Variants in RFX3 observed in about 807,000 individuals in gnomAD.
RFX3 encodes regulatory factor X3, also known as transcription factor RFX3.
In RFX3, 14 loss-of-function variants were observed where a neutral mutation model predicts 98.6. That is an observed-to-expected ratio of 0.14 (90% confidence interval 0.09 to 0.22). The LOEUF is 0.22. RFX3 is among the 10% of genes least tolerant of loss of function. RFX3 has a pLI of 1.00. For missense variants in RFX3, 639 were observed against 926.9 expected (o/e 0.69, Z 4.03); for synonymous variants, 383 against 328.4 (o/e 1.17, Z -1.80).
intron 1 of RFX3, among the ~76,000 whole-genome samples, chr9:3,423,109 T>A (rs987989128): frequency 6.6e-6 from 1 of 152,158 alleles, no homozygotes; most frequent in Non-Finnish European, 1.5e-5. Context: ...TTTAACACTA[T>A]CCAAACATAT....
rs1824281030 is a variant in RFX3 at position 3,270,517 on chromosome 9, C to T, written c.1211G>A (p.Ser404Asn). 1.2e-6 allele frequency: 2 copies of T among 1,612,650 alleles called. No individual in the cohort carries two copies. The highest frequency in any genetic ancestry group is 1.3e-5 in the African/African-American group (1 of 74,984). Residue 404 changes from serine to asparagine, a missense_variant, in exon 11 of 17, where the codon AGT becomes AAT. By Grantham distance (46) the Ser-to-Asn change is conservative. Coordinates refer to ENST00000617270, the MANE Select transcript of RFX3 (RefSeq NM_001282116.2). ...GTTITESSNL[S>N]EIESRLPKAK... The stretch of plus-strand genomic sequence containing the variant: ...TTTCGGAAGTCGACTTTCTATTTCA[C>T]TCAGATTGCTGGTGTGAATAAATGT...
intron 1 of RFX3, among the ~76,000 whole-genome samples, chr9:3,438,941 A>G (rs902991429): frequency 6.6e-6 from 1 of 152,114 alleles, no homozygotes; most frequent in African/African-American, 2.4e-5. Flanking sequence ...AACAAGTCTG[A>G]AATTTAAAAT....
At position 3,266,029 on chromosome 9, in the gene RFX3, T is replaced by C. The variant is rs983046517; in HGVS notation, c.1455+179A>G. 2.0e-5 allele frequency among the ~76,000 whole-genome samples: 3 copies of C among 152,182 alleles called. No homozygotes were observed. The South Asian group carries it at 6.2e-4, about 32-fold the overall frequency. ...TTTGAAAGGAACATTGTCAAACATC[T>C]CTTGTGCAAGTTCTTTACTACATGG... On this transcript the variant is annotated intron_variant, in intron 12 of 16. Transcript: ENST00000617270.
chr9:3,423,811 A>ATATATATC lies in RFX3; in HGVS notation c.-8-28216_-8-28215insGATATATA, dbSNP rs1292059587. ...TATATATATATATATATATATATATATCTTAAGGTAATTTTTAAAAAGAAC... is the reference window on the plus strand; with the variant it reads ...TATATATATATATATATATATATATATATATATCTCTTAAGGTAATTTTTAAAAAGAAC... On this transcript the variant is annotated intron_variant, in intron 1 of 16. Transcript: ENST00000617270. Among the ~76,000 whole-genome samples the ATATATATC allele has an allele frequency of 1.2e-4, 16 of 132,370 alleles. No homozygotes were observed. The East Asian group carries it at 2.5e-3, about 21-fold the overall frequency. 86.8% of individuals were successfully genotyped at this position (132,370 alleles called of 152,430 possible). A position where few individuals can be genotyped will look rare whatever the true frequency, so the allele number is the denominator to read the frequency against.
At chr9:3,351,195 A>C (rs1157828769) in intron 2 of RFX3, among the ~76,000 whole-genome samples, 1 of 151,434 alleles carries the variant, frequency 6.6e-6, no homozygotes, top group East Asian at 1.9e-4. Context: ...GTGTGAAGCG[A>C]GGGGTTTTAT....
At chr9:3,413,766 A>G (rs1339669971) in intron 1 of RFX3, among the ~76,000 whole-genome samples, 1 of 152,122 alleles carries the variant, frequency 6.6e-6, no homozygotes, top group African/African-American at 2.4e-5. Context: ...AGTTCTCTTG[A>G]CAACTCTTAG....
chr9:3,337,879 T>C (rs1833372623), intron 3 of RFX3, among the ~76,000 whole-genome samples: 1 of 152,222 alleles, frequency 6.6e-6, no homozygotes, highest in Non-Finnish European at 1.5e-5. Flanking sequence ...AGTTTTTACA[T>C]GGGCCACCAA....
At chr9:3,323,664 C>G (rs1455391940) in intron 4 of RFX3, among the ~76,000 whole-genome samples, 1 of 151,820 alleles carries the variant, frequency 6.6e-6, no homozygotes, top group Non-Finnish European at 1.5e-5. Context: ...GGCATGTTAC[C>G]CATACACCTG....
At chr9:3,233,889 T>C (rs562926572) in intron 15 of RFX3, among the ~76,000 whole-genome samples, 46 of 152,290 alleles carry the variant, frequency 3.0e-4, no homozygotes, top group African/African-American at 1.1e-3. Flanking sequence ...TATGTATAAA[T>C]ATCATCATTA....
intron 5 of RFX3, among the ~76,000 whole-genome samples, chr9:3,294,262 C>A (rs1027629085): frequency 6.6e-6 from 1 of 152,112 alleles, no homozygotes; most frequent in African/African-American, 2.4e-5. Flanking sequence ...TTACTCCAGA[C>A]CAATGTTTCA....
chr9:3,240,936 GTGCT>G (rs1279139991), intron 15 of RFX3, among the ~76,000 whole-genome samples: 1 of 152,218 alleles, frequency 6.6e-6, no homozygotes, highest in East Asian at 1.9e-4. Context: ...AATAGCTGCA[GTGCT>G]ACCTGACAAA....
intron 2 of RFX3, among the ~76,000 whole-genome samples, chr9:3,383,575 A>G (rs1251846444): frequency 6.6e-6 from 1 of 152,138 alleles, no homozygotes; most frequent in Non-Finnish European, 1.5e-5. Context: ...AGCAAGGTAT[A>G]TTAGTTAAAA....
intron 15 of RFX3, among the ~76,000 whole-genome samples, chr9:3,229,562 T>C (rs1010455241): frequency 6.6e-6 from 1 of 152,338 alleles, no homozygotes; most frequent in South Asian, 2.1e-4. Flanking sequence ...AGTTCAATAG[T>C]TTGATAATTT....
At chr9:3,270,740 C>T (rs182026147) in intron 10 of RFX3, 36 of 665,086 alleles carry the variant, frequency 5.4e-5, no homozygotes, top group East Asian at 1.4e-4. Flanking sequence ...TATTTTCTGA[C>T]GGTATGAAAG....
At chr9:3,238,708 T>C (rs964003153) in intron 15 of RFX3, among the ~76,000 whole-genome samples, 5 of 152,212 alleles carry the variant, frequency 3.3e-5, no homozygotes, top group Non-Finnish European at 7.3e-5. Flanking sequence ...TGCAATTTCC[T>C]GTGATTTCAA....
At chr9:3,432,038 A>G (rs1844702240) in intron 1 of RFX3, among the ~76,000 whole-genome samples, 1 of 152,168 alleles carries the variant, frequency 6.6e-6, no homozygotes, top group Non-Finnish European at 1.5e-5. Flanking sequence ...CAAGCCATGA[A>G]GAAGAAAGAT....
At chr9:3,371,484 A>T (rs1260076488) in intron 2 of RFX3, among the ~76,000 whole-genome samples, 1 of 152,166 alleles carries the variant, frequency 6.6e-6, no homozygotes, top group Non-Finnish European at 1.5e-5. Flanking sequence ...AATTTCAGTG[A>T]TCTGTATAAC....
At chr9:3,280,390 A>AT (rs1443500975) in intron 7 of RFX3, among the ~76,000 whole-genome samples, 1 of 151,794 alleles carries the variant, frequency 6.6e-6, no homozygotes, top group Non-Finnish European at 1.5e-5. Flanking sequence ...ATGTCATGGT[A>AT]TATCGACAAT....
rs184601808 is a variant in RFX3 at position 3,429,892 on chromosome 9, C to A, written c.-8-34296G>T. Reference sequence around the variant, plus strand: ...AAGCAGCCCACAAAGTAACAGGTTTCTGTCTAAGCAGTGGCTTCCAACCCA... The same window carrying A: ...AAGCAGCCCACAAAGTAACAGGTTTATGTCTAAGCAGTGGCTTCCAACCCA... On this transcript the variant is annotated intron_variant, in intron 1 of 16. Coordinates refer to ENST00000617270, the MANE Select transcript of RFX3 (RefSeq NM_001282116.2). Among the ~76,000 whole-genome samples, 3 of 152,330 alleles carry A rather than the reference C, an allele frequency of 2.0e-5. No homozygotes were observed. The East Asian group carries it at 5.8e-4, about 29-fold the overall frequency.
Sources: gnomAD v4.1 joint callset for allele counts (sites outside exome capture counted in the v4.1 genomes callset) on GRCh38, gnomAD v4.1.1 for gene constraint, MANE v1.5 for transcripts, NCBI Gene and HGNC (gene_info 2026-07-23, HGNC 2026-07-21) for gene names.